GPC5: variants seen among roughly 807,000 people sequenced by gnomAD.
The protein encoded by GPC5 is glypican-5.
GPC5 carries 47 observed loss-of-function variants against 53.9 expected under a neutral mutation model. The ratio of observed to expected loss-of-function variants is 0.87; its 90% CI spans 0.69 to 1.11. GPC5 has a LOEUF of 1.11. GPC5 is among the 50% of genes most tolerant of loss of function. The probability of loss-of-function intolerance (pLI) is 0.00; values close to 1 mark genes in which losing one functional copy is unlikely to be tolerated. For synonymous variants in GPC5, 286 were observed against 263.3 expected (o/e 1.09, Z -0.84); for missense variants, 748 against 713.1 (o/e 1.05, Z -0.56).
At chr13:91,580,204 C>T (rs1246581270) in intron 2 of GPC5, among the ~76,000 whole-genome samples, 1 of 152,028 alleles carries the variant, frequency 6.6e-6, no homozygotes, top group Non-Finnish European at 1.5e-5. Context: ...GCGCCTGCCA[C>T]CATGCCTGGC....
chr13:91,456,859 C>T (rs1378110956), intron 2 of GPC5, among the ~76,000 whole-genome samples: 7 of 144,944 alleles, frequency 4.8e-5, no homozygotes, highest in Admixed American at 6.9e-5. Flanking sequence ...CCAATGGTAT[C>T]AACTAACATA....
chr13:91,684,401 C>T (rs566635376), intron 2 of GPC5, among the ~76,000 whole-genome samples: 2 of 152,080 alleles, frequency 1.3e-5, no homozygotes, highest in African/African-American at 2.4e-5. Context: ...TCCACCCCAC[C>T]ACACACAAAC....
intron 2 of GPC5, among the ~76,000 whole-genome samples, chr13:91,626,038 G>A (rs1222276161): frequency 6.6e-6 from 1 of 151,946 alleles, no homozygotes; most frequent in Non-Finnish European, 1.5e-5. Flanking sequence ...AACAAACAAT[G>A]TATTTTACTC....
intron 2 of GPC5, among the ~76,000 whole-genome samples, chr13:91,574,574 T>A (rs1480557359): frequency 6.6e-6 from 1 of 152,118 alleles, no homozygotes; most frequent in Non-Finnish European, 1.5e-5. Flanking sequence ...GGAGTCCATT[T>A]GTATATCAGA....
intron 6 of GPC5, among the ~76,000 whole-genome samples, chr13:91,929,815 T>A (rs111841352): frequency 2.0e-4 from 5 of 24,724 alleles, no homozygotes; most frequent in Admixed American, 5.7e-4. Context: ...ATTTTCTATT[T>A]TTTTTTTATT....
chr13:92,393,359 T>G (rs1397195197), intron 7 of GPC5, among the ~76,000 whole-genome samples: 1 of 152,086 alleles, frequency 6.6e-6, no homozygotes, highest in Non-Finnish European at 1.5e-5. Context: ...AATACGAACT[T>G]ATGAACACAG....
chr13:92,650,346 T>A (rs1885913626), intron 7 of GPC5, among the ~76,000 whole-genome samples: 1 of 152,148 alleles, frequency 6.6e-6, no homozygotes, highest in South Asian at 2.1e-4. Context: ...CTTCACACAC[T>A]ATAGGATTCT....
chr13:92,696,599 C>G, intron 7 of GPC5, among the ~76,000 whole-genome samples: 1 of 151,864 alleles, frequency 6.6e-6, no homozygotes, highest in East Asian at 1.9e-4. Flanking sequence ...GGATATTAGC[C>G]CTTTGTCAGT....
intron 7 of GPC5, among the ~76,000 whole-genome samples, chr13:92,739,575 T>A (rs1447864042): frequency 6.6e-6 from 1 of 152,012 alleles, no homozygotes; most frequent in African/African-American, 2.4e-5. Flanking sequence ...GAACACAATC[T>A]TATCAAAATT....
chr13:92,101,510 G>T (rs909953701), intron 6 of GPC5, among the ~76,000 whole-genome samples: 1 of 152,042 alleles, frequency 6.6e-6, no homozygotes, highest in Non-Finnish European at 1.5e-5. Context: ...CTATTTCCAG[G>T]GCTATCCCTG....
intron 7 of GPC5, among the ~76,000 whole-genome samples, chr13:92,719,178 C>A (rs1345395187): frequency 6.7e-6 from 1 of 150,074 alleles, no homozygotes; most frequent in East Asian, 2.1e-4. Context: ...CCCCCCCCCA[C>A]ATAATGATTT....
intron 7 of GPC5, among the ~76,000 whole-genome samples, chr13:92,254,067 C>T (rs1470622724): frequency 6.6e-6 from 1 of 151,986 alleles, no homozygotes; most frequent in Non-Finnish European, 1.5e-5. Context: ...TATAGCTAAG[C>T]TGCCTGAAGG....
chr13:92,316,081 T>C lies in GPC5; in HGVS notation c.1561+171092T>C, dbSNP rs75871585. 1.9e-3 allele frequency among the ~76,000 whole-genome samples: 296 copies of C among 152,300 alleles called. 7 individuals carry two copies. In the East Asian group the frequency reaches 0.051, roughly 26 times the overall value. On this transcript the variant is annotated intron_variant, in intron 7 of 7. Transcript: ENST00000377067. ...AGGGTTTTTACTGTAATTAAAATCT[T>C]TCTGCTCATTGATTACACTTCTCTC...
intron 7 of GPC5, among the ~76,000 whole-genome samples, chr13:92,367,829 A>T (rs1298911515): frequency 3.3e-5 from 5 of 152,196 alleles, no homozygotes; most frequent in Admixed American, 1.3e-4. Context: ...AAAAATTGGA[A>T]GGTGCTGAGT....
chr13:92,106,753 A>G (rs1003300298), intron 6 of GPC5, among the ~76,000 whole-genome samples: 75 of 152,078 alleles, frequency 4.9e-4, no homozygotes, highest in African/African-American at 1.8e-3. Context: ...CATTCGCTCT[A>G]TGGATACGCC....
chr13:92,340,806 C>A (rs910830538), intron 7 of GPC5, among the ~76,000 whole-genome samples: 9 of 152,072 alleles, frequency 5.9e-5, no homozygotes, highest in Non-Finnish European at 1.2e-4. Flanking sequence ...GGTATAACAA[C>A]CCAATCCGGT....
chr13:92,579,074 T>C (rs1883280097), intron 7 of GPC5, among the ~76,000 whole-genome samples: 1 of 152,034 alleles, frequency 6.6e-6, no homozygotes, highest in Non-Finnish European at 1.5e-5. Context: ...AAAAGAAAAG[T>C]TCACTGTCAA....
chr13:92,525,464 G>GTA (rs1254344939), intron 7 of GPC5, among the ~76,000 whole-genome samples: 1 of 151,302 alleles, frequency 6.6e-6, no homozygotes, highest in African/African-American at 2.4e-5. Context: ...GTGTGTGTGT[G>GTA]TGTGTGTGTG....
chr13:92,296,911 G>A (rs983619213), intron 7 of GPC5, among the ~76,000 whole-genome samples: 2 of 152,216 alleles, frequency 1.3e-5, no homozygotes, highest in Non-Finnish European at 2.9e-5. Flanking sequence ...GCAGGGCAGG[G>A]CTCGGGACCT....
Sources: gnomAD v4.1 joint callset for allele counts (sites outside exome capture counted in the v4.1 genomes callset) on GRCh38, gnomAD v4.1.1 for gene constraint, MANE v1.5 for transcripts, NCBI Gene and HGNC (gene_info 2026-07-23, HGNC 2026-07-21) for gene names.